The following ACSBG2 variants were observed in gnomAD, a reference collection of about 807,000 sequenced individuals.
The protein encoded by ACSBG2 is acyl-CoA synthetase bubblegum family member 2.
In ACSBG2, 62 loss-of-function variants were observed where a neutral mutation model predicts 74.7. That is an observed-to-expected ratio of 0.83 (90% CI 0.68 to 1.03). The LOEUF is 1.03. Among genes scored for constraint, ACSBG2 ranks in the 50% least tolerant of loss-of-function variants. The pLI, the probability that ACSBG2 is intolerant of heterozygous loss-of-function variation, is 0.00. For missense variants in ACSBG2, 730 were observed against 817.6 expected, an observed-to-expected ratio of 0.89 and a Z score of 1.31; for synonymous variants, 309 against 294.1, an observed-to-expected ratio of 1.05 and a Z score of -0.52.
At chr19:6,176,468 G>C in intron 7 of ACSBG2, 1 of 1,315,084 alleles carries the variant, frequency 7.6e-7, no homozygotes, top group Non-Finnish European at 1.0e-6. Context: ...ACAATCCAAG[G>C]TGCCTTATAC....
intron 6 of ACSBG2, among the ~76,000 whole-genome samples, chr19:6,165,335 T>C (rs2089759712): frequency 6.6e-6 from 1 of 152,202 alleles, no homozygotes; most frequent in African/African-American, 2.4e-5. Context: ...TCATTATGAT[T>C]GGACCACTTG....
intron 7 of ACSBG2, among the ~76,000 whole-genome samples, chr19:6,168,935 C>T (rs1423065317): frequency 6.6e-6 from 1 of 152,154 alleles, no homozygotes; most frequent in Non-Finnish European, 1.5e-5. Flanking sequence ...CCCACCACCA[C>T]ACCTGGCTAA....
chr19:6,176,265 C>G, intron 7 of ACSBG2: 4 of 1,336,756 alleles, frequency 3.0e-6, no homozygotes, highest in Non-Finnish European at 3.9e-6. Flanking sequence ...CAGGTCCTTA[C>G]TCGATCTTAC....
intron 5 of ACSBG2, among the ~76,000 whole-genome samples, chr19:6,160,112 C>T (rs564249274): frequency 5.9e-5 from 9 of 152,114 alleles, no homozygotes; most frequent in Non-Finnish European, 8.8e-5. Flanking sequence ...TCGCAGGGGC[C>T]GGGCGTGGTG....
Position 6,185,451 on chromosome 19 carries a change from G to C in ACSBG2, c.1338G>C (p.Leu446Phe), listed in dbSNP as rs757323556. The C allele has an allele frequency of 1.9e-6, 3 of 1,614,038 alleles. No homozygotes were observed. In the East Asian group the frequency reaches 6.7e-5, roughly 36 times the overall value. ...CCCCTGGCAGCTGTGGCAAGATCTT[G>C]ACTGGGTGTAAGAATATGCTGTTCC... The part of the protein sequence containing the change: ...NYRLLSCGKI[L>F]TGCKNMLFQQ... Residue 446 changes from leucine to phenylalanine, a missense_variant, in exon 11 of 15, where the codon TTG becomes TTC. Transcript: ENST00000588485.
chr19:6,182,688 G>C lies in ACSBG2; in HGVS notation c.907-63G>C, dbSNP rs2090292372. On this transcript the variant is annotated intron_variant, in intron 8 of 14. Coordinates refer to ENST00000588485, the MANE Select transcript of ACSBG2 (RefSeq NM_030924.5). ...TTGGGCAAAGTTGGGTGGATCAGGA[G>C]AGATGGACATCCCTGGTGCACGGAA... The C allele has an allele frequency of 3.3e-6, 5 of 1,521,654 alleles. No homozygotes were observed. In the Admixed American group the frequency reaches 7.3e-5, roughly 22 times the overall value. The allele number at this position is 1,521,654 out of a possible 1,614,324, so 94.3% of individuals were successfully genotyped here.
intron 1 of ACSBG2, among the ~76,000 whole-genome samples, chr19:6,138,634 A>G (rs1390983586): frequency 0.043 from 1,491 of 34,586 alleles, 62 homozygotes; most frequent in African/African-American, 0.13. Context: ...AGGAAGAAAG[A>G]AAGGAAGGGA....
intron 4 of ACSBG2, among the ~76,000 whole-genome samples, chr19:6,154,258 C>T (rs562709542): frequency 6.6e-6 from 1 of 150,984 alleles, no homozygotes; most frequent in East Asian, 2.0e-4. Flanking sequence ...ATTAGCCAGG[C>T]GTAGTGGCAC....
chr19:6,141,032 G>T (rs1438088818), intron 1 of ACSBG2, among the ~76,000 whole-genome samples: 1 of 152,042 alleles, frequency 6.6e-6, no homozygotes, highest in Non-Finnish European at 1.5e-5. Context: ...TGGATGTATT[G>T]TCCACATCTT....
intron 4 of ACSBG2, among the ~76,000 whole-genome samples, chr19:6,155,409 A>C (rs1040585419): frequency 1.3e-5 from 2 of 152,232 alleles, no homozygotes; most frequent in Non-Finnish European, 2.9e-5. Context: ...CTTAGACAGG[A>C]CACAGAGAGC....
intron 11 of ACSBG2, among the ~76,000 whole-genome samples, chr19:6,186,935 G>A (rs930583929): frequency 5.3e-5 from 8 of 151,438 alleles, no homozygotes; most frequent in African/African-American, 1.9e-4. Context: ...GGGCTCAAGT[G>A]ATCTGCCCAC....
At chr19:6,178,433 T>C (rs1349852751) in intron 8 of ACSBG2, among the ~76,000 whole-genome samples, 1 of 151,860 alleles carries the variant, frequency 6.6e-6, no homozygotes, top group Non-Finnish European at 1.5e-5. Context: ...CAGGCTGGAG[T>C]TACAGTGCCA....
rs1169380791 is a variant in ACSBG2 at position 6,187,653 on chromosome 19, A to G, written c.1735A>G (p.Ile579Val). The change falls in exon 13 of 15, where the codon ATC (isoleucine) becomes GTC (valine). Residue 579 changes from isoleucine to valine, a missense_variant. Coordinates refer to ENST00000588485, the MANE Select transcript of ACSBG2 (RefSeq NM_030924.5). The stretch of plus-strand genomic sequence containing the variant: ...TCTGGACAAGCTGAACTTCGAGGCC[A>G]TCAACTTCTGTCGGGGTCTGGGCAG... ...EPLDKLNFEAINFCRGLGSQA... is the reference protein window; with the variant it reads ...EPLDKLNFEAVNFCRGLGSQA... The G allele has an allele frequency of 6.2e-7, 1 of 1,614,000 alleles. No individual in the cohort carries two copies. Among genetic ancestry groups the G allele is most frequent in the Non-Finnish European group, 8.5e-7 (1 of 1,180,030 alleles).
At chr19:6,158,279 G>C (rs569057178) in intron 5 of ACSBG2, among the ~76,000 whole-genome samples, 23 of 151,574 alleles carry the variant, frequency 1.5e-4, no homozygotes, top group African/African-American at 5.3e-4. Context: ...GGATGGTCTC[G>C]ATCTCCTGAC....
chr19:6,190,808 T>A, intron 14 of ACSBG2, 116 bp downstream of exon 14: 2 of 387,398 alleles, frequency 5.2e-6, no homozygotes, highest in Non-Finnish European at 4.7e-6. Flanking sequence ...CATACACACA[T>A]ACATACACAC....
intron 7 of ACSBG2, among the ~76,000 whole-genome samples, chr19:6,170,663 T>C (rs912954960): frequency 1.3e-5 from 2 of 152,176 alleles, no homozygotes; most frequent in Non-Finnish European, 2.9e-5. Context: ...TGGCCTAGCA[T>C]GTGGTTAATC....
intron 7 of ACSBG2, among the ~76,000 whole-genome samples, chr19:6,166,280 T>TTGTGTG (rs35422900): frequency 0.042 from 4,944 of 119,034 alleles, 145 homozygotes; most frequent in East Asian, 0.057. Context: ...GTCAGGAAGG[T>TTGTGTG]TGTGTGTGTG....
intron 4 of ACSBG2, 53 bp downstream of exon 4, chr19:6,151,848 C>A: frequency 6.7e-7 from 1 of 1,503,758 alleles, no homozygotes. Flanking sequence ...CTACCCTGGG[C>A]CTGGGACCCC....
chr19:6,139,092 AT>A (rs5826914), intron 1 of ACSBG2, among the ~76,000 whole-genome samples: 9,224 of 145,088 alleles, frequency 0.064, 888 homozygotes, highest in African/African-American at 0.22. Context: ...AATTAAACTT[AT>A]TTTTTTTTTT....
Sources: gnomAD v4.1 joint callset for allele counts (sites outside exome capture counted in the v4.1 genomes callset) on GRCh38, gnomAD v4.1.1 for gene constraint, MANE v1.5 for transcripts, NCBI Gene and HGNC (gene_info 2026-07-23, HGNC 2026-07-21) for gene names.